CDK14: variants seen among roughly 807,000 people sequenced by gnomAD.
The protein encoded by CDK14 is cyclin-dependent kinase 14.
A neutral mutation model predicts 60.7 loss-of-function variants in CDK14; 34 were observed. That is an observed-to-expected ratio of 0.56 (90% CI 0.43 to 0.75). The LOEUF (loss-of-function observed/expected upper bound fraction) is 0.75, where lower values mean the gene tolerates loss of function less well. Ranked by LOEUF, CDK14 falls within the 30% of genes least tolerant of loss-of-function variation. The probability of loss-of-function intolerance (pLI) is 0.00; values close to 1 mark genes in which losing one functional copy is unlikely to be tolerated. For synonymous variants in CDK14, 197 were observed against 203.7 expected (o/e 0.97, Z 0.28); for missense variants, 482 against 564.1 (o/e 0.85, Z 1.47).
At chr7:90,782,756 T>C (rs758978066) in intron 4 of CDK14, among the ~76,000 whole-genome samples, 1 of 152,154 alleles carries the variant, frequency 6.6e-6, no homozygotes, top group Non-Finnish European at 1.5e-5. Context: ...TAGTTTAGTC[T>C]TTGTGGATTC....
chr7:90,676,821 C>G (rs1440848195), intron 2 of CDK14, among the ~76,000 whole-genome samples: 1 of 152,112 alleles, frequency 6.6e-6, no homozygotes, highest in East Asian at 1.9e-4. Flanking sequence ...CAGGCATGAG[C>G]CACTATAGCC....
intron 4 of CDK14, among the ~76,000 whole-genome samples, chr7:90,774,701 T>C (rs1411615560): frequency 6.6e-6 from 1 of 152,156 alleles, no homozygotes; most frequent in Non-Finnish European, 1.5e-5. Flanking sequence ...CAAGGGCCTT[T>C]GCAGGCAACC....
At chr7:90,828,930 T>A (rs946053467) in intron 5 of CDK14, among the ~76,000 whole-genome samples, 18 of 152,140 alleles carry the variant, frequency 1.2e-4, no homozygotes, top group Non-Finnish European at 2.4e-4. Context: ...TTGGGCAATT[T>A]ATAAACAAAG....
intron 3 of CDK14, among the ~76,000 whole-genome samples, chr7:90,730,532 T>A (rs979413522): frequency 1.3e-5 from 2 of 152,232 alleles, no homozygotes; most frequent in Non-Finnish European, 2.9e-5. Context: ...TTCCTGATGT[T>A]TCAATGATCA....
At chr7:90,799,427 C>T (rs1402454286) in intron 5 of CDK14, among the ~76,000 whole-genome samples, 3 of 152,010 alleles carry the variant, frequency 2.0e-5, no homozygotes, top group Admixed American at 2.0e-4. Context: ...GTGGCTCACA[C>T]CTGTAATCCC....
At chr7:90,856,060 G>A (rs1387643554) in intron 5 of CDK14, among the ~76,000 whole-genome samples, 2 of 152,150 alleles carry the variant, frequency 1.3e-5, no homozygotes, top group African/African-American at 4.8e-5. Context: ...CTCTTAAGAA[G>A]CAAGTGAAAA....
chr7:91,167,494 A>G (rs1237438008), intron 14 of CDK14, among the ~76,000 whole-genome samples: 1 of 152,188 alleles, frequency 6.6e-6, no homozygotes, highest in Non-Finnish European at 1.5e-5. Context: ...TTCACACTGA[A>G]ACAGCTAACT....
intron 5 of CDK14, among the ~76,000 whole-genome samples, chr7:90,800,199 C>T (rs1788586846): frequency 6.6e-6 from 1 of 151,912 alleles, no homozygotes; most frequent in South Asian, 2.1e-4. Context: ...TATTAGAATT[C>T]TATGGAAACA....
intron 12 of CDK14, among the ~76,000 whole-genome samples, chr7:91,086,863 T>A (rs17163568): frequency 6.6e-6 from 1 of 152,218 alleles, no homozygotes; most frequent in Admixed American, 6.5e-5. Context: ...ATTTACAAAT[T>A]TAGTGAATGT....
chr7:91,179,106 A>G (rs1584177566), intron 14 of CDK14, among the ~76,000 whole-genome samples: 1 of 152,166 alleles, frequency 6.6e-6, no homozygotes, highest in East Asian at 1.9e-4. Context: ...GCACATATAC[A>G]CCATGGAACA....
intron 2 of CDK14, among the ~76,000 whole-genome samples, chr7:90,650,122 T>A (rs1470679644): frequency 6.6e-6 from 1 of 152,226 alleles, no homozygotes; most frequent in African/African-American, 2.4e-5. Flanking sequence ...CAGCATCTGT[T>A]GTTTCCTGAC....
chr7:90,924,294 T>C (rs1038161303), intron 8 of CDK14, among the ~76,000 whole-genome samples: 3 of 152,232 alleles, frequency 2.0e-5, no homozygotes, highest in East Asian at 3.9e-4. Flanking sequence ...AACCCATGAA[T>C]GGATTGATCC....
In CDK14 at chr7:91,118,144, T is replaced by C. The variant is rs760623974; in HGVS notation, c.1374T>C (p.Asn458=). 6.2e-6 allele frequency: 10 copies of C among 1,613,294 alleles called. No individual in the cohort carries two copies. The highest frequency in any genetic ancestry group is 7.6e-6 in the Non-Finnish European group (9 of 1,179,560). The change falls in exon 14 of 15, where the codon AAT becomes AAC. Residue 458 remains asparagine (N), a synonymous_variant. Transcript: ENST00000380050. ...GESMRAFGKN[N]SYGKSLSNSK... ...GCATGCGGGCCTTTGGGAAAAACAA[T>C]AGTTATGGCAAAAGTCTATCAAACA...
chr7:91,202,780 T>C (rs926665108), intron 14 of CDK14, among the ~76,000 whole-genome samples: 1 of 152,198 alleles, frequency 6.6e-6, no homozygotes. Context: ...CTGCCTCTCA[T>C]TGGCGCCTCT....
At chr7:90,618,261 A>G (rs1584744744) in intron 2 of CDK14, among the ~76,000 whole-genome samples, 1 of 152,184 alleles carries the variant, frequency 6.6e-6, no homozygotes, top group East Asian at 1.9e-4. Context: ...GAAACATTCA[A>G]TACTTTGGAT....
chr7:90,869,591 T>G (rs1474749703), intron 6 of CDK14, among the ~76,000 whole-genome samples: 1 of 152,214 alleles, frequency 6.6e-6, no homozygotes, highest in South Asian at 2.1e-4. Context: ...GGCTGCTTTC[T>G]TAAGAATGGA....
At chr7:91,024,920 T>C (rs148808517) in intron 10 of CDK14, among the ~76,000 whole-genome samples, 2 of 152,172 alleles carry the variant, frequency 1.3e-5, no homozygotes. Flanking sequence ...TATACCCCAC[T>C]AATAGTTTTC....
intron 10 of CDK14, among the ~76,000 whole-genome samples, chr7:91,018,921 A>G (rs1796369150): frequency 6.6e-6 from 1 of 152,158 alleles, no homozygotes; most frequent in African/African-American, 2.4e-5. Context: ...ACTAATACAG[A>G]CATTAATCCC....
At chr7:90,867,332 T>A (rs187647633) in intron 6 of CDK14, among the ~76,000 whole-genome samples, 6 of 152,200 alleles carry the variant, frequency 3.9e-5, no homozygotes, top group African/African-American at 1.2e-4. Context: ...TTCTTCTACT[T>A]AAACAGAAAG....
Sources: gnomAD v4.1 joint callset for allele counts (sites outside exome capture counted in the v4.1 genomes callset) on GRCh38, gnomAD v4.1.1 for gene constraint, MANE v1.5 for transcripts, NCBI Gene and HGNC (gene_info 2026-07-23, HGNC 2026-07-21) for gene names.